NOTCH1: variants seen among roughly 807,000 people sequenced by gnomAD.
The protein encoded by NOTCH1 is notch receptor 1.
Under a neutral mutation model 254.8 loss-of-function variants are expected in NOTCH1, and 37 were observed. That is an observed-to-expected ratio of 0.15 (90% CI 0.11 to 0.19). NOTCH1 has a LOEUF of 0.19. Ranked by LOEUF, NOTCH1 falls within the 10% of genes least tolerant of loss-of-function variation. The pLI is 1.00. For missense variants in NOTCH1, 2,972 were observed against 3,708.6 expected (o/e 0.80, Z 5.16); for synonymous variants, 1,731 against 1,618.1 (o/e 1.07, Z -1.68).
intron 27 of NOTCH1, 184 bp downstream of exon 27, chr9:136,502,998 C>G (rs1179118455): frequency 2.3e-6 from 2 of 864,182 alleles, no homozygotes; most frequent in East Asian, 5.3e-5. Context: ...CCACCGGCAG[C>G]TGTGACCGCC....
chr9:136,536,296 C>T (rs547155892), intron 2 of NOTCH1, among the ~76,000 whole-genome samples: 4 of 152,276 alleles, frequency 2.6e-5, no homozygotes, highest in African/African-American at 4.8e-5. Context: ...GGCGCTTCCC[C>T]GTCCCAAGGG....
intron 2 of NOTCH1, among the ~76,000 whole-genome samples, chr9:136,524,559 A>G (rs1174154153): frequency 4.0e-5 from 6 of 151,464 alleles, no homozygotes; most frequent in African/African-American, 9.7e-5. Flanking sequence ...GGTTTTTCCA[A>G]CCTTCAGGTG....
intron 31 of NOTCH1, among the ~76,000 whole-genome samples, chr9:136,500,219 G>T (rs1223437351): frequency 6.6e-6 from 1 of 152,212 alleles, no homozygotes; most frequent in African/African-American, 2.4e-5. Flanking sequence ...GGCTGCGAGG[G>T]GCTGCAGCAG....
chr9:136,520,957 G>A (rs1005538499), intron 4 of NOTCH1, among the ~76,000 whole-genome samples: 6 of 152,152 alleles, frequency 3.9e-5, no homozygotes, highest in African/African-American at 1.2e-4. Flanking sequence ...CTCGGCCAGC[G>A]ACCCCACGAG....
chr9:136,531,255 C>A (rs979812309), intron 2 of NOTCH1, among the ~76,000 whole-genome samples: 1 of 152,228 alleles, frequency 6.6e-6, no homozygotes, highest in Non-Finnish European at 1.5e-5. Context: ...GCCCTGGGGG[C>A]GTGTAATGGG....
chr9:136,509,825 G>A lies in NOTCH1; in HGVS notation c.2877C>T (p.Asn959=), dbSNP rs1319442376. 3 of 1,613,086 alleles carry A rather than the reference G, an allele frequency of 1.9e-6. No individual in the cohort carries two copies. The highest frequency in any genetic ancestry group is 2.5e-6 in the Non-Finnish European group (3 of 1,180,042). The stretch of plus-strand genomic sequence containing the variant: ...TGTAGCTGTCCACGCAGTCCGTGCA[G>A]TTGGCCCCGTTGCGGCAGGGGTCAC... ...CASDPCRNGA[N]CTDCVDSYTC... Residue 959 remains asparagine (N), a synonymous_variant, in exon 18 of 34, where the codon AAC becomes AAT. Transcript: ENST00000651671.
Position 136,495,897 on chromosome 9 carries a change from G to A in NOTCH1, c.*174C>T. 1.5e-6 allele frequency: 1 copy of A among 685,868 alleles called. No homozygotes were observed. The highest frequency in any genetic ancestry group is 2.2e-5 in the South Asian group (1 of 44,994). 42.5% of individuals were successfully genotyped at this position (685,868 alleles called of 1,614,324 possible). A position where few individuals can be genotyped will look rare whatever the true frequency, so the allele number is the denominator to read the frequency against. Reference sequence around the variant, plus strand: ...ATATAAATAAAAAGGCAGTGTTTCTGTGTAAAATAAAAGTACATAAATAAA... The same window carrying A: ...ATATAAATAAAAAGGCAGTGTTTCTATGTAAAATAAAAGTACATAAATAAA... On this transcript the variant is annotated 3_prime_UTR_variant, in exon 34 of 34. Coordinates refer to ENST00000651671, the MANE Select transcript of NOTCH1 (RefSeq NM_017617.5).
chr9:136,532,804 G>A (rs987431193), intron 2 of NOTCH1, among the ~76,000 whole-genome samples: 3 of 152,204 alleles, frequency 2.0e-5, no homozygotes, highest in Non-Finnish European at 4.4e-5. Flanking sequence ...AAAGAAGTCC[G>A]TGGCCTGTGT....
At chr9:136,518,994 G>C (rs879323064) in intron 5 of NOTCH1, among the ~76,000 whole-genome samples, 170 bp from the exon 6 acceptor site, 1 of 152,222 alleles carries the variant, frequency 6.6e-6, no homozygotes, top group Non-Finnish European at 1.5e-5. Flanking sequence ...GCACCATGGA[G>C]TCTTGCCTCC....
chr9:136,526,872 G>A (rs904570878), intron 2 of NOTCH1, among the ~76,000 whole-genome samples: 18 of 152,202 alleles, frequency 1.2e-4, no homozygotes, highest in African/African-American at 4.1e-4. Context: ...GCTCCCAGCG[G>A]GTGGGGCAGG....
chr9:136,518,435 TC>T (rs1843313319), intron 6 of NOTCH1, 143 bp from the exon 7 acceptor site: 2 of 1,192,414 alleles, frequency 1.7e-6, no homozygotes, highest in Non-Finnish European at 2.4e-6. Context: ...CTTGGGACGT[TC>T]CGGGGGACTC....
rs1304935581 is a variant in NOTCH1, at chr9:136,508,128, C to T, written c.3337G>A (p.Ala1113Thr). ...AGCCCTCCATGCTGGCACAGGCGGG[C>T]AACGTCAACACCTGCGGGGGATGGG... ...VAAQRQGVDV[A>T]RLCQHGGLCV... Residue 1113 changes from alanine to threonine, a missense_variant, in exon 21 of 34, where the codon GCC becomes ACC. This residue lies in a region of NOTCH1 where 1,343 missense variants were observed against 1,557.0 expected (regional missense o/e 0.86). Transcript: ENST00000651671. 1 of 1,607,992 alleles carries T rather than the reference C, an allele frequency of 6.2e-7. No individual in the cohort carries two copies. The highest frequency in any genetic ancestry group is 8.5e-7 in the Non-Finnish European group (1 of 1,179,798).
chr9:136,512,067 A>C (rs1254180967), intron 15 of NOTCH1, among the ~76,000 whole-genome samples: 1 of 152,236 alleles, frequency 6.6e-6, no homozygotes, highest in African/African-American at 2.4e-5. Context: ...GAACTGCGCC[A>C]GAGTTTCCGA....
intron 2 of NOTCH1, among the ~76,000 whole-genome samples, chr9:136,542,190 G>C (rs1843741670): frequency 6.6e-6 from 1 of 152,168 alleles, no homozygotes; most frequent in Non-Finnish European, 1.5e-5. Context: ...ACCCCTGTGG[G>C]CCAGGCTGTG....
rs181655270 is a variant in NOTCH1, at chr9:136,535,333, C to T, written c.140+8691G>A. ...GCGTGCGGAGAGGGCCCTGTTTAAC[C>T]GTGCGGGCTCAATCTGGAGTGTAGA... On this transcript the variant is annotated intron_variant, in intron 2 of 33. Transcript: ENST00000651671. 1.7e-3 allele frequency among the ~76,000 whole-genome samples: 258 copies of T among 152,204 alleles called. 1 individual carries two copies. Among genetic ancestry groups the T allele is most frequent in the African/African-American group, 6.0e-3 (248 of 41,534 alleles).
chr9:136,536,133 G>C (rs564369883), intron 2 of NOTCH1, among the ~76,000 whole-genome samples: 6 of 152,222 alleles, frequency 3.9e-5, no homozygotes, highest in African/African-American at 1.4e-4. Flanking sequence ...TGCTAGGACC[G>C]CCTATAACCG....
chr9:136,534,428 C>T (rs1231039889), intron 2 of NOTCH1, among the ~76,000 whole-genome samples: 4 of 152,174 alleles, frequency 2.6e-5, no homozygotes, highest in African/African-American at 7.2e-5. Flanking sequence ...AGAGCAAGGT[C>T]GGGGCGTGTC....
chr9:136,539,988 T>C (rs1392428258), intron 2 of NOTCH1, among the ~76,000 whole-genome samples: 1 of 152,170 alleles, frequency 6.6e-6, no homozygotes, highest in Non-Finnish European at 1.5e-5. Context: ...TGGGGCTGTG[T>C]TTAGGGACAT....
rs535217359 is a variant in NOTCH1, at chr9:136,522,905, G to A, written c.687C>T (p.Asn229=). 39 of 1,542,144 alleles carry A rather than the reference G, an allele frequency of 2.5e-5. No homozygotes were observed. The highest frequency in any genetic ancestry group is 5.5e-5 in the African/African-American group (4 of 73,200). Residue 229 remains asparagine, a synonymous_variant, in exon 4 of 34, where the codon AAC becomes AAT. Coordinates refer to ENST00000651671, the MANE Select transcript of NOTCH1 (RefSeq NM_017617.5). ...CGCCCGTGGGGCGGCAGGTGCCCCC[G>A]TTCTGGCAGGGCGAGGGGCTGCAGG... ...YVPCSPSPCQ[N]GGTCRPTGDV... is the part of the protein sequence containing the mutation.
Sources: allele counts gnomAD v4.1 joint callset (sites outside exome capture counted in the v4.1 genomes callset), GRCh38; gene constraint gnomAD v4.1.1; regional missense constraint gnomAD v4.1.1; transcripts MANE v1.5; gene names NCBI Gene and HGNC (gene_info 2026-07-23, HGNC 2026-07-21).